GPATCH1: variants seen among roughly 807,000 people sequenced by gnomAD.
The protein encoded by GPATCH1 is G-patch domain containing 1.
Under a neutral mutation model 114.9 loss-of-function variants are expected in GPATCH1, and 73 were observed. The ratio of observed to expected loss-of-function variants is 0.64; its 90% CI spans 0.53 to 0.77. GPATCH1 has a LOEUF of 0.77. Ranked by LOEUF, GPATCH1 falls within the 30% of genes least tolerant of loss-of-function variation. GPATCH1 has a pLI of 0.00. For synonymous variants in GPATCH1, 391 were observed against 428.4 expected, an observed-to-expected ratio of 0.91 and a Z score of 1.08; for missense variants, 1,058 against 1,144.3, an observed-to-expected ratio of 0.92 and a Z score of 1.09.
At chr19:33,118,212 T>C (rs1264969041) in intron 16 of GPATCH1, among the ~76,000 whole-genome samples, 171 bp downstream of exon 16, 2 of 145,576 alleles carry the variant, frequency 1.4e-5, no homozygotes, top group African/African-American at 2.6e-5. Context: ...AGGATCTGGC[T>C]CTGTCCCCAG....
intron 17 of GPATCH1, among the ~76,000 whole-genome samples, chr19:33,123,399 T>A: frequency 6.8e-6 from 1 of 147,982 alleles, no homozygotes. Context: ...AAACTCTGTC[T>A]CAAAAAAAAA....
chr19:33,110,899 C>T lies in GPATCH1; in HGVS notation c.1586-825C>T, dbSNP rs148857078. 9.2e-4 allele frequency among the ~76,000 whole-genome samples: 139 copies of T among 150,880 alleles called. 1 individual carries two copies. Among genetic ancestry groups the T allele is most frequent in the African/African-American group, 2.8e-3 (116 of 41,148 alleles). ...TACTTTGGGAGGCTGAGATGAGGAT[C>T]GCTTTAGCCTAGGAGTTCAAGACCA... On this transcript the variant is annotated intron_variant, in intron 11 of 19. Transcript: ENST00000170564.
intron 19 of GPATCH1, among the ~76,000 whole-genome samples, chr19:33,127,439 C>G (rs1292531397): frequency 1.3e-5 from 2 of 151,580 alleles, no homozygotes; most frequent in African/African-American, 2.4e-5. Context: ...TGGCGTCAAC[C>G]TGGGAGGCGG....
At position 33,101,517 on chromosome 19, in the gene GPATCH1, C is replaced by T. The variant is rs1314551296; in HGVS notation, c.1023C>T (p.Tyr341=). The change falls in exon 9 of 20, where the codon TAC becomes TAT. Residue 341 remains tyrosine, a synonymous_variant. Coordinates refer to ENST00000170564, the MANE Select transcript of GPATCH1 (RefSeq NM_018025.3). ...NQKESEKDLR[Y]VGKILDGFSL... is the part of the protein sequence containing the mutation. ...TAGAATCAGAGAAAGACCTTCGGTACGTTGGCAAAATTTTGGATGGATTTT... is the reference window on the plus strand; with the variant it reads ...TAGAATCAGAGAAAGACCTTCGGTATGTTGGCAAAATTTTGGATGGATTTT... 16 of 1,597,708 alleles carry T rather than the reference C, an allele frequency of 1.0e-5. No individual in the cohort carries two copies. The highest frequency in any genetic ancestry group is 2.2e-5 in the East Asian group (1 of 44,804).
chr19:33,095,052 T>A (rs1972639856), intron 5 of GPATCH1, among the ~76,000 whole-genome samples: 1 of 152,016 alleles, frequency 6.6e-6, no homozygotes. Flanking sequence ...TAGTCCCAGC[T>A]ACGACTCAGG....
In GPATCH1 at chr19:33,094,055, G is replaced by A. The variant is rs189012818; in HGVS notation, c.456-117G>A. 4.1e-3 allele frequency: 2,688 copies of A among 661,776 alleles called. 81 individuals carry two copies. Among genetic ancestry groups the A allele is most frequent in the Non-Finnish European group, 7.7e-4 (282 of 366,098 alleles). The allele number at this position is 661,776 out of a possible 1,614,324, so 41.0% of individuals were successfully genotyped here. On this transcript the variant is annotated intron_variant, in intron 4 of 19. Transcript: ENST00000170564. The stretch of plus-strand genomic sequence containing the variant: ...TCACGCCAGATGTAATGTGGGTGAG[G>A]GCAAGGGCCCAGGCAAGACAGGCCT...
At chr19:33,095,400 T>C (rs549595163) in intron 5 of GPATCH1, among the ~76,000 whole-genome samples, 2 of 152,054 alleles carry the variant, frequency 1.3e-5, no homozygotes, top group South Asian at 4.2e-4. Context: ...TAGCTGGGAT[T>C]ACAGGCTTGC....
At chr19:33,114,445 TGCCAC>T in intron 15 of GPATCH1, 26 bp downstream of exon 15, 1 of 1,555,128 alleles carries the variant, frequency 6.4e-7, no homozygotes, top group Non-Finnish European at 8.7e-7. Context: ...AGATTCTCTT[TGCCAC>T]GCTGAGTGTG....
chr19:33,091,994 G>T (rs927232152), intron 3 of GPATCH1, among the ~76,000 whole-genome samples: 1 of 151,736 alleles, frequency 6.6e-6, no homozygotes, highest in Non-Finnish European at 1.5e-5. Flanking sequence ...GTTCCAGGTG[G>T]CACATCCAGG....
intron 1 of GPATCH1, among the ~76,000 whole-genome samples, chr19:33,085,879 G>A (rs1008594164): frequency 6.6e-6 from 1 of 152,096 alleles, no homozygotes; most frequent in Admixed American, 6.6e-5. Context: ...ACATTGCTTG[G>A]CCCTCATCAT....
chr19:33,118,385 G>C (rs1972940270), intron 16 of GPATCH1, among the ~76,000 whole-genome samples: 1 of 151,666 alleles, frequency 6.6e-6, no homozygotes, highest in Non-Finnish European at 1.5e-5. Flanking sequence ...CACCATGTTG[G>C]CCAGGCTAGT....
At chr19:33,088,514 A>T (rs964965869) in intron 2 of GPATCH1, among the ~76,000 whole-genome samples, 6 of 147,678 alleles carry the variant, frequency 4.1e-5, no homozygotes, top group South Asian at 2.1e-4. Flanking sequence ...TGGCTAATTT[A>T]AAAAAAAATA....
chr19:33,092,487 G>C (rs2008280362), intron 3 of GPATCH1, among the ~76,000 whole-genome samples: 1 of 152,130 alleles, frequency 6.6e-6, no homozygotes, highest in Admixed American at 6.6e-5. Context: ...AAAATGACTG[G>C]CTTAGATAAG....
At chr19:33,090,895 AGC>A (rs756228067) in intron 3 of GPATCH1, 30 bp downstream of exon 3, 26 of 1,399,912 alleles carry the variant, frequency 1.9e-5, no homozygotes, top group Non-Finnish European at 2.4e-5. Flanking sequence ...ATTGCCAATT[AGC>A]TGGTGGGACA....
chr19:33,101,628 T>C (rs1321451199), intron 9 of GPATCH1, 54 bp downstream of exon 9: 13 of 851,954 alleles, frequency 1.5e-5, no homozygotes, highest in Admixed American at 8.4e-5. Context: ...TTAAAATATT[T>C]GCTGCTATGT....
chr19:33,083,832 A>T, intron 1 of GPATCH1, among the ~76,000 whole-genome samples: 1 of 151,348 alleles, frequency 6.6e-6, no homozygotes, highest in Non-Finnish European at 1.5e-5. Context: ...CTTTTTTTTG[A>T]GAGTTTCGCT....
At position 33,126,646 on chromosome 19, in the gene GPATCH1, AAAG is replaced by A. The variant is rs1464796188; in HGVS notation, c.2679_2681del (p.Lys893_Ser894delinsAsn). The A allele has an allele frequency of 6.2e-7, 1 of 1,614,078 alleles. No homozygotes were observed. Among genetic ancestry groups the A allele is most frequent in the South Asian group, 1.1e-5 (1 of 91,078 alleles). ...AAGCAAAAGAATAAAAAACCAGAGA[AAAG>A]TAGTAGCTCCGAGAGTTCCGACAGC... is the stretch of plus-strand genomic sequence containing the variant. On this transcript the variant is annotated inframe_deletion, in exon 19 of 20. Coordinates refer to ENST00000170564, the MANE Select transcript of GPATCH1 (RefSeq NM_018025.3).
intron 1 of GPATCH1, among the ~76,000 whole-genome samples, chr19:33,086,519 G>A (rs1972535807): frequency 6.6e-6 from 1 of 152,006 alleles, no homozygotes; most frequent in Non-Finnish European, 1.5e-5. Context: ...AGGCTAGAGT[G>A]CAATGGCATG....
chr19:33,112,691 T>A, intron 13 of GPATCH1, 78 bp downstream of exon 13: 3 of 1,120,652 alleles, frequency 2.7e-6, no homozygotes, highest in Admixed American at 2.4e-5. Context: ...CATACTCATA[T>A]AAATTCTTAT....
Sources: allele counts gnomAD v4.1 joint callset (sites outside exome capture counted in the v4.1 genomes callset), GRCh38; gene constraint gnomAD v4.1.1; transcripts MANE v1.5; gene names NCBI Gene and HGNC (gene_info 2026-07-23, HGNC 2026-07-21).